The following ZCWPW1 variants were observed in gnomAD, a reference collection of about 807,000 sequenced individuals.
ZCWPW1 encodes zinc finger CW-type PWWP domain protein 1.
Under a neutral mutation model 81.3 loss-of-function variants are expected in ZCWPW1, and 56 were observed. The observed-to-expected ratio is 0.69, with a 90% CI of 0.56 to 0.86. ZCWPW1 has a LOEUF of 0.86. ZCWPW1 is among the 40% of genes least tolerant of loss of function. The pLI, the probability that ZCWPW1 is intolerant of heterozygous loss-of-function variation, is 0.00. For missense variants in ZCWPW1, 650 were observed against 769.8 expected (o/e 0.84, Z 1.84); for synonymous variants, 250 against 273.7 (o/e 0.91, Z 0.86).
At chr7:100,422,085 T>G (rs1796458915) in intron 2 of ZCWPW1, among the ~76,000 whole-genome samples, 1 of 152,200 alleles carries the variant, frequency 6.6e-6, no homozygotes, top group South Asian at 2.1e-4. Context: ...ACCCTTTATG[T>G]AGCATTCCAT....
In ZCWPW1 at chr7:100,408,675, A is replaced by G; in HGVS notation, c.872-16T>C. The G allele has an allele frequency of 6.2e-6, 10 of 1,610,910 alleles. No homozygotes were observed. Among genetic ancestry groups the G allele is most frequent in the Non-Finnish European group, 8.5e-6 (10 of 1,178,518 alleles). ...TACTGCACATCTGCTGAAAGAGAGA[A>G]GGAATGAAGGGACAGGAAGAGACTC... On this transcript the variant is annotated splice_polypyrimidine_tract_variant and intron_variant, in intron 9 of 17. Coordinates refer to ENST00000684423, the MANE Select transcript of ZCWPW1 (RefSeq NM_001386010.1).
chr7:100,416,157 T>C, intron 7 of ZCWPW1, 60 bp from the exon 8 acceptor site: 3 of 1,606,068 alleles, frequency 1.9e-6, no homozygotes, highest in Non-Finnish European at 2.5e-6. Flanking sequence ...TTGTAGATAG[T>C]AAAGGTCAGT....
At position 100,400,872 on chromosome 7, in the gene ZCWPW1, TCG is replaced by T. The variant is rs1388435723; in HGVS notation, c.*140_*141del. 16 of 955,990 alleles carry T rather than the reference TCG, an allele frequency of 1.7e-5. No homozygotes were observed. In the African/African-American group the frequency reaches 2.2e-4, roughly 13 times the overall value. 59.2% of individuals were successfully genotyped at this position (955,990 alleles called of 1,614,324 possible). A position where few individuals can be genotyped will look rare whatever the true frequency, so the allele number is the denominator to read the frequency against. The stretch of plus-strand genomic sequence containing the variant: ...GGCAGTTAGAGACCAGCCAACCCAG[TCG>T]ACTGTAACCTGCTTTATTAACACAG... On this transcript the variant is annotated 3_prime_UTR_variant, in exon 18 of 18. Coordinates refer to ENST00000684423, the MANE Select transcript of ZCWPW1 (RefSeq NM_001386010.1).
At chr7:100,403,222 T>TC in intron 15 of ZCWPW1, among the ~76,000 whole-genome samples, 1 of 151,928 alleles carries the variant, frequency 6.6e-6, no homozygotes, top group East Asian at 1.9e-4. Flanking sequence ...AACAATTTTT[T>TC]TTTTTTTTTT....
At chr7:100,415,545 G>C (rs949896399) in intron 8 of ZCWPW1, among the ~76,000 whole-genome samples, 10 of 152,086 alleles carry the variant, frequency 6.6e-5, no homozygotes, top group Admixed American at 1.3e-4. Context: ...ATGTCCTTGA[G>C]CTTATGTTTA....
intron 8 of ZCWPW1, among the ~76,000 whole-genome samples, chr7:100,410,142 C>T (rs1793888080): frequency 6.6e-6 from 1 of 152,170 alleles, no homozygotes; most frequent in Non-Finnish European, 1.5e-5. Context: ...CCAAGCCTTC[C>T]TTTTATCCAT....
intron 9 of ZCWPW1, among the ~76,000 whole-genome samples, 177 bp downstream of exon 9, chr7:100,409,251 A>T (rs997775587): frequency 6.6e-6 from 1 of 152,146 alleles, no homozygotes; most frequent in Non-Finnish European, 1.5e-5. Context: ...ATCTTCCTCC[A>T]GCCTTTTCTG....
chr7:100,420,443 C>T (rs908675274), intron 3 of ZCWPW1, among the ~76,000 whole-genome samples, 179 bp downstream of exon 3: 1 of 152,114 alleles, frequency 6.6e-6, no homozygotes, highest in Non-Finnish European at 1.5e-5. Flanking sequence ...TTTATATGTT[C>T]CTCGAGCAGG....
At chr7:100,407,865 G>A (rs1371733810) in intron 10 of ZCWPW1, among the ~76,000 whole-genome samples, 1 of 152,130 alleles carries the variant, frequency 6.6e-6, no homozygotes, top group East Asian at 1.9e-4. Context: ...ACAATCCTAA[G>A]AACAAAATCT....
intron 8 of ZCWPW1, among the ~76,000 whole-genome samples, chr7:100,415,029 GAAACAAAACAAAA>G (rs1299383618): frequency 7.5e-6 from 1 of 133,874 alleles, no homozygotes; most frequent in Non-Finnish European, 1.6e-5. Context: ...ATCTCAAAAC[GAAACAAAACAAAA>G]AAACAAAAAA....
chr7:100,409,365 A>C, intron 9 of ZCWPW1, 63 bp downstream of exon 9: 1 of 1,266,380 alleles, frequency 7.9e-7, no homozygotes, highest in Non-Finnish European at 1.1e-6. Flanking sequence ...CTAAAGGATA[A>C]GTGCAGAGAA....
At chr7:100,419,955 G>A in intron 3 of ZCWPW1, 72 bp from the exon 4 acceptor site, 2 of 1,256,766 alleles carry the variant, frequency 1.6e-6, no homozygotes, top group Non-Finnish European at 2.2e-6. Flanking sequence ...ATTACCCTTT[G>A]ACTAGCCATA....
chr7:100,428,221 C>T (rs936495647), intron 1 of ZCWPW1, among the ~76,000 whole-genome samples: 13 of 152,186 alleles, frequency 8.5e-5, no homozygotes, highest in Non-Finnish European at 1.9e-4. Flanking sequence ...TCCGCAAGCC[C>T]CTCACACCTC....
chr7:100,427,685 C>G lies in ZCWPW1; in HGVS notation c.-137+883G>C, dbSNP rs187533707. 2.4e-4 allele frequency among the ~76,000 whole-genome samples: 34 copies of G among 143,104 alleles called. No homozygotes were observed. The East Asian group carries it at 6.5e-3, about 27-fold the overall frequency. 93.9% of individuals were successfully genotyped at this position (143,104 alleles called of 152,430 possible). On this transcript the variant is annotated intron_variant, in intron 1 of 17. Coordinates refer to ENST00000684423, the MANE Select transcript of ZCWPW1 (RefSeq NM_001386010.1). The stretch of plus-strand genomic sequence containing the variant: ...CTGCACTCCAGCCTGGGCGACAGAG[C>G]GAGACAGTCTTTAAAAAAAAAAAAA...
chr7:100,419,589 T>G, intron 4 of ZCWPW1, 41 bp downstream of exon 4: 1 of 1,570,908 alleles, frequency 6.4e-7, no homozygotes, highest in East Asian at 2.2e-5. Flanking sequence ...GGGTAAGGTA[T>G]GAGAAAATCT....
chr7:100,416,402 G>A lies in ZCWPW1; in HGVS notation c.534C>T (p.Ala178=). The part of the protein sequence containing the change: ...EISVSWEGEA[A]PEIRTSKLGQ... Reference sequence around the variant, plus strand: ...CTAACTTAGATGTCCTTATCTCAGGGGCAGCTTCACCTTCCCAAGACACTG... The same window carrying A: ...CTAACTTAGATGTCCTTATCTCAGGAGCAGCTTCACCTTCCCAAGACACTG... The change falls in exon 7 of 18, where the codon GCC becomes GCT. Residue 178 remains alanine, a synonymous_variant. Transcript: ENST00000684423. The A allele has an allele frequency of 8.1e-6, 13 of 1,614,058 alleles. No individual in the cohort carries two copies. Among genetic ancestry groups the A allele is most frequent in the Non-Finnish European group, 1.0e-5 (12 of 1,180,004 alleles).
chr7:100,428,345 G>C (rs1345810482), intron 1 of ZCWPW1, among the ~76,000 whole-genome samples: 3 of 152,216 alleles, frequency 2.0e-5, no homozygotes, highest in Non-Finnish European at 4.4e-5. Flanking sequence ...AACAGCGTCT[G>C]CGTTTCCGCA....
intron 2 of ZCWPW1, among the ~76,000 whole-genome samples, chr7:100,421,988 G>A (rs1037167505): frequency 5.3e-5 from 8 of 152,066 alleles, no homozygotes; most frequent in African/African-American, 7.2e-5. Context: ...CACTACACCC[G>A]GCCTGACATC....
intron 8 of ZCWPW1, among the ~76,000 whole-genome samples, chr7:100,412,221 T>C (rs139767224): frequency 3.0e-4 from 45 of 152,322 alleles, no homozygotes; most frequent in African/African-American, 9.6e-4. Flanking sequence ...TGAAATCTAT[T>C]TTCATACCTG....
Sources: allele counts gnomAD v4.1 joint callset (sites outside exome capture counted in the v4.1 genomes callset), GRCh38; gene constraint gnomAD v4.1.1; transcripts MANE v1.5; gene names NCBI Gene and HGNC (gene_info 2026-07-23, HGNC 2026-07-21).